The following PDE8A variants were observed in gnomAD, a reference collection of about 807,000 sequenced individuals.
PDE8A encodes the protein high affinity cAMP-specific and IBMX-insensitive 3',5'-cyclic phosphodiesterase 8A.
Under a neutral mutation model 105.0 loss-of-function variants are expected in PDE8A, and 59 were observed. The ratio of observed to expected loss-of-function variants is 0.56; its 90% confidence interval spans 0.46 to 0.70. PDE8A has a LOEUF of 0.70. Among genes scored for constraint, PDE8A ranks in the 30% least tolerant of loss-of-function variants. The pLI, the probability that PDE8A is intolerant of heterozygous loss-of-function variation, is 0.00. For synonymous variants in PDE8A, 355 were observed against 371.9 expected (o/e 0.95, Z 0.52); for missense variants, 1,014 against 1,045.9 (o/e 0.97, Z 0.42).
chr15:85,002,633 C>T (rs148675292), intron 1 of PDE8A, among the ~76,000 whole-genome samples: 4 of 152,202 alleles, frequency 2.6e-5, no homozygotes, highest in African/African-American at 7.2e-5. Context: ...GCCAAAAGGC[C>T]GAGAAGCGAT....
rs879454397 is a variant in PDE8A, at chr15:85,051,038, A to G, written c.187-13332A>G. On this transcript the variant is annotated intron_variant, in intron 1 of 21. Transcript: ENST00000394553. ...ATCTTTCACCTCCTTGGTTAAATCA[A>G]TTCTTAAGTGCCTTATTCTTTTTGA... Among the ~76,000 whole-genome samples the G allele has an allele frequency of 4.6e-5, 7 of 152,320 alleles. No homozygotes were observed. In the East Asian group the frequency reaches 7.7e-4, roughly 17 times the overall value.
In PDE8A at chr15:85,083,734, G is replaced by A. The variant is rs545569767; in HGVS notation, c.635+90G>A. On this transcript the variant is annotated intron_variant, in intron 6 of 21. Coordinates refer to ENST00000394553, the MANE Select transcript of PDE8A (RefSeq NM_002605.3). ...GGTTGTGGGGAATACTTTTGAAATG[G>A]CCTCTTGCAGAAATGGGATTGGAGA... 24 of 786,116 alleles carry A rather than the reference G, an allele frequency of 3.1e-5. No homozygotes were observed. The African/African-American group carries it at 3.9e-4, about 13-fold the overall frequency. 48.7% of individuals were successfully genotyped at this position (786,116 alleles called of 1,614,324 possible). A position where few individuals can be genotyped will look rare whatever the true frequency, so the allele number is the denominator to read the frequency against.
chr15:85,035,231 A>G (rs1485703545), intron 1 of PDE8A, among the ~76,000 whole-genome samples: 2 of 92,852 alleles, frequency 2.2e-5, no homozygotes, highest in Admixed American at 1.6e-4. Flanking sequence ...TTTTTGAGAC[A>G]GTGTTTCCCT....
intron 1 of PDE8A, among the ~76,000 whole-genome samples, chr15:85,024,521 C>CTG (rs2080481219): frequency 6.6e-6 from 1 of 151,710 alleles, no homozygotes; most frequent in South Asian, 2.1e-4. Flanking sequence ...TCTATGTGGG[C>CTG]CAGTCAGTCT....
At chr15:85,045,137 C>A (rs2080867483) in intron 1 of PDE8A, among the ~76,000 whole-genome samples, 1 of 152,166 alleles carries the variant, frequency 6.6e-6, no homozygotes, top group Non-Finnish European at 1.5e-5. Flanking sequence ...CAGATCTCAC[C>A]TCCTGCATTG....
intron 1 of PDE8A, among the ~76,000 whole-genome samples, chr15:85,007,071 T>C (rs926130262): frequency 6.6e-5 from 10 of 152,162 alleles, no homozygotes; most frequent in African/African-American, 2.4e-4. Context: ...GACAGTTAGA[T>C]TGATCTGGAA....
intron 1 of PDE8A, among the ~76,000 whole-genome samples, chr15:85,054,785 AAG>A (rs566700992): frequency 9.9e-5 from 15 of 151,970 alleles, no homozygotes; most frequent in Non-Finnish European, 1.9e-4. Context: ...TGATTTTTTG[AAG>A]AGTTTTTTGT....
intron 1 of PDE8A, among the ~76,000 whole-genome samples, chr15:85,043,418 A>G (rs2080840213): frequency 6.6e-6 from 1 of 152,086 alleles, no homozygotes; most frequent in Non-Finnish European, 1.5e-5. Context: ...CCATGATTTT[A>G]TACCTCAGAT....
At chr15:85,098,105 T>C (rs542365772) in intron 9 of PDE8A, 69 bp downstream of exon 9, 2 of 925,496 alleles carry the variant, frequency 2.2e-6, no homozygotes, top group Non-Finnish European at 3.5e-6. Context: ...TTGCTTTGAA[T>C]ATTTAAGTTA....
chr15:85,025,154 G>T (rs1248434199), intron 1 of PDE8A, among the ~76,000 whole-genome samples: 5 of 152,042 alleles, frequency 3.3e-5, no homozygotes, highest in Non-Finnish European at 7.4e-5. Context: ...ACATCCTAAG[G>T]CCACCATAAG....
At chr15:85,016,171 G>A (rs2080322037) in intron 1 of PDE8A, among the ~76,000 whole-genome samples, 1 of 152,100 alleles carries the variant, frequency 6.6e-6, no homozygotes, top group African/African-American at 2.4e-5. Flanking sequence ...TTTAAAAAAT[G>A]ACTTGTCATT....
At chr15:85,050,988 A>G (rs1018600598) in intron 1 of PDE8A, among the ~76,000 whole-genome samples, 8 of 152,162 alleles carry the variant, frequency 5.3e-5, no homozygotes, top group East Asian at 1.9e-4. Flanking sequence ...TTTTTCAGCA[A>G]TATTTTGTAG....
chr15:85,121,956 C>T (rs2141624487), intron 18 of PDE8A, among the ~76,000 whole-genome samples: 1 of 152,242 alleles, frequency 6.6e-6, no homozygotes, highest in East Asian at 1.9e-4. Flanking sequence ...CTGGATGTTT[C>T]AAGGTGAAGT....
intron 6 of PDE8A, among the ~76,000 whole-genome samples, chr15:85,089,036 G>T (rs1216094023): frequency 1.3e-5 from 2 of 152,130 alleles, no homozygotes; most frequent in Non-Finnish European, 2.9e-5. Context: ...ATGGGGTTCA[G>T]TCACTTGCCC....
At chr15:85,094,681 C>G (rs894915355) in intron 8 of PDE8A, among the ~76,000 whole-genome samples, 1 of 152,174 alleles carries the variant, frequency 6.6e-6, no homozygotes, top group Non-Finnish European at 1.5e-5. Flanking sequence ...CCTTCCTCCC[C>G]GTTGGTCCCC....
chr15:84,993,322 A>C (rs1294550497), intron 1 of PDE8A, among the ~76,000 whole-genome samples: 4 of 151,646 alleles, frequency 2.6e-5, no homozygotes, highest in Non-Finnish European at 5.9e-5. Flanking sequence ...AGGTGCCTGT[A>C]GTCCCAGCTA....
At chr15:85,064,235 T>G (rs2081187352) in intron 1 of PDE8A, 135 bp from the exon 2 acceptor site, 1 of 602,222 alleles carries the variant, frequency 1.7e-6, no homozygotes, top group African/African-American at 1.9e-5. Flanking sequence ...AATCATTTCA[T>G]TTATCTACTA....
intron 12 of PDE8A, among the ~76,000 whole-genome samples, chr15:85,110,060 T>C (rs1220922989): frequency 6.6e-6 from 1 of 152,228 alleles, no homozygotes; most frequent in Non-Finnish European, 1.5e-5. Context: ...TAATTTGCTG[T>C]CTGCAGAGGA....
chr15:85,097,016 A>C (rs2081766537), intron 8 of PDE8A, among the ~76,000 whole-genome samples: 2 of 152,170 alleles, frequency 1.3e-5, no homozygotes, highest in Admixed American at 1.3e-4. Context: ...AGCAAACCTC[A>C]GCTAAGCCAA....
Sources: gnomAD v4.1 joint callset for allele counts (sites outside exome capture counted in the v4.1 genomes callset) on GRCh38, gnomAD v4.1.1 for gene constraint, MANE v1.5 for transcripts, NCBI Gene and HGNC (gene_info 2026-07-23, HGNC 2026-07-21) for gene names.